Variants in KHNYN observed in about 807,000 individuals in gnomAD.
KHNYN encodes the protein KH and NYN domain containing.
In KHNYN, 42 loss-of-function variants were observed where a neutral mutation model predicts 62.7. The observed-to-expected ratio is 0.67, with a 90% CI of 0.52 to 0.87. KHNYN has a LOEUF of 0.87. Among genes scored for constraint, KHNYN ranks in the 40% least tolerant of loss-of-function variants. The pLI is 0.00. For missense variants in KHNYN, 829 were observed against 874.1 expected (o/e 0.95, Z 0.65); for synonymous variants, 347 against 345.6 (o/e 1.00, Z -0.04).
upstream of KHNYN, chr14:24,428,930 T>G (rs1179405796): frequency 2.6e-6 from 4 of 1,558,314 alleles, no homozygotes; most frequent in African/African-American, 1.4e-5. Context: ...GCACTCCCCC[T>G]CCAGCAGGAC....
upstream of KHNYN, chr14:24,427,489 G>T (rs536466209): frequency 2.8e-6 from 1 of 358,386 alleles, no homozygotes; most frequent in Non-Finnish European, 5.2e-6. This position sits in a 1 kb window ranked among gnomAD's most constrained non-coding sequence, Gnocchi z 4.4. Context: ...AGCAGAGGCC[G>T]CAAAGTAGTG....
Position 24,431,790 on chromosome 14 carries a change from G to C in KHNYN, c.529G>C (p.Glu177Gln). The change falls in exon 3 of 8, where the codon GAG becomes CAG. Residue 177 changes from glutamate to glutamine, a missense_variant. Glu to Gln is a conservative substitution (Grantham distance 29). This residue lies in a region of KHNYN where 559 missense variants were observed against 527.0 expected (regional missense o/e 1.06). Coordinates refer to ENST00000553935, the MANE Select transcript of KHNYN (RefSeq NM_015299.3). ...GCAGTCCCCGGGGGATGCCCATAGA[G>C]AGGCTCTGTTGCAGTTGCCCCTGGC... ...LLQSPGDAHREALLQLPLAVQ... is the reference protein window; with the variant it reads ...LLQSPGDAHRQALLQLPLAVQ... 1.2e-6 allele frequency: 2 copies of C among 1,614,168 alleles called. No homozygotes were observed. The highest frequency in any genetic ancestry group is 2.2e-5 in the East Asian group (1 of 44,886).
rs1172260614 is a variant in KHNYN, at chr14:24,436,105, G to C, written c.1611G>C (p.Gly537=). The C allele has an allele frequency of 6.2e-7, 1 of 1,614,160 alleles. No individual in the cohort carries two copies. The highest frequency in any genetic ancestry group is 8.5e-7 in the Non-Finnish European group (1 of 1,180,020). ...TGAAGCTGGCTGAAGAGACAGATGG[G>C]ATAATTGTCTCCAATGACCAGTTCC... ...FMVKLAEETD[G]IIVSNDQFRD... The change falls in exon 6 of 8, where the codon GGG becomes GGC. Residue 537 remains glycine, a synonymous_variant. Transcript: ENST00000553935.
chr14:24,434,660 C>T (rs1200897703), intron 5 of KHNYN, among the ~76,000 whole-genome samples: 1 of 152,222 alleles, frequency 6.6e-6, no homozygotes, highest in African/African-American at 2.4e-5. Flanking sequence ...ACCTCAGCCT[C>T]CCAAAGTGCT....
At chr14:24,428,060 C>G, upstream of KHNYN, 3 of 1,502,844 alleles carry the variant, frequency 2.0e-6, no homozygotes, top group Non-Finnish European at 2.7e-6. Context: ...CAGGAGCTTC[C>G]TCTTGGGAAG....
At chr14:24,430,651 C>T (rs1342462325) in intron 1 of KHNYN, 63 bp from the exon 2 acceptor site, 4 of 1,520,484 alleles carry the variant, frequency 2.6e-6, no homozygotes, top group Non-Finnish European at 3.5e-6. Context: ...CTGGTGTAGT[C>T]CCAGGAACCA....
rs777520841 is a variant in KHNYN, at chr14:24,440,592, T to C, written c.*3307T>C. ...TTCCCCTTCCTCACTCTCCCCATGC[T>C]GACTTGGCTCTGTAACAGAAGTGAG... is the stretch of plus-strand genomic sequence containing the variant. On this transcript the variant is annotated 3_prime_UTR_variant, in exon 8 of 8. Coordinates refer to ENST00000553935, the MANE Select transcript of KHNYN (RefSeq NM_015299.3). 2.1e-6 allele frequency: 3 copies of C among 1,443,308 alleles called. No individual in the cohort carries two copies. In the South Asian group the frequency reaches 3.7e-5, roughly 18 times the overall value. 89.4% of individuals were successfully genotyped at this position (1,443,308 alleles called of 1,614,324 possible).
rs148992913 is a variant in KHNYN, at chr14:24,432,162, C to T, written c.901C>T (p.Pro301Ser). Residue 301 changes from proline (P) to serine (S), a missense_variant, in exon 3 of 8, where the codon CCC (proline) becomes TCC (serine). This residue lies in a region of KHNYN where 559 missense variants were observed against 527.0 expected (regional missense o/e 1.06). Transcript: ENST00000553935. This position sits in a 1 kb window ranked among gnomAD's most constrained non-coding sequence, Gnocchi z 5.6. ...GGGTGGAGGGGCAAGGGAGTCAGCA[C>T]CCCTGAAAGGGAAGGCCCTGGGGAA... ...SVGGGARESAPLKGKALGKEE... is the reference protein window; with the variant it reads ...SVGGGARESASLKGKALGKEE... 4.0e-5 allele frequency: 62 copies of T among 1,561,688 alleles called. No individual in the cohort carries two copies. In the African/African-American group the frequency reaches 6.9e-4, roughly 17 times the overall value.
At chr14:24,427,681 G>T, upstream of KHNYN, 1 of 1,002,824 alleles carries the variant, frequency 1.0e-6, no homozygotes. This position sits in a 1 kb window ranked among gnomAD's most constrained non-coding sequence, Gnocchi z 4.4. Flanking sequence ...AAAGAGGTGG[G>T]ATAGGAGCCA....
At position 24,440,160 on chromosome 14, in the gene KHNYN, G is replaced by C; in HGVS notation, c.*2875G>C. On this transcript the variant is annotated 3_prime_UTR_variant, in exon 8 of 8. Coordinates refer to ENST00000553935, the MANE Select transcript of KHNYN (RefSeq NM_015299.3). ...TAGCCAGTGGCCAGTGTTCGCTGTG[G>C]GATCACCTTCTGGCCCTCCAGCAGC... The C allele has an allele frequency of 6.2e-7, 1 of 1,613,720 alleles. No individual in the cohort carries two copies. The highest frequency in any genetic ancestry group is 8.5e-7 in the Non-Finnish European group (1 of 1,179,702).
chr14:24,426,022 T>C (rs2043016913), upstream of KHNYN, among the ~76,000 whole-genome samples: 1 of 152,262 alleles, frequency 6.6e-6, no homozygotes, highest in Non-Finnish European at 1.5e-5. Flanking sequence ...CTTGTACTTA[T>C]CACGACTCAC....
chr14:24,430,739 C>G lies in KHNYN; in HGVS notation c.9C>G (p.Thr3=), dbSNP rs541500478. 6.4e-7 allele frequency: 1 copy of G among 1,564,278 alleles called. No homozygotes were observed. Among genetic ancestry groups the G allele is most frequent in the Non-Finnish European group, 8.7e-7 (1 of 1,154,196 alleles). The change falls in exon 2 of 8, where the codon ACC becomes ACG. Residue 3 remains threonine (T), a synonymous_variant. Coordinates refer to ENST00000553935, the MANE Select transcript of KHNYN (RefSeq NM_015299.3). ...GGCTGGGGGCAGCAGCCATGCCTAC[C>G]TGGGGGGCCCGCCCCGCGTCCCCAG... MP[T]WGARPASPDR...
chr14:24,430,174 A>AGTAGGCCCGGCCCGGG, intron 1 of KHNYN, 55 bp downstream of exon 1: 1 of 978,424 alleles, frequency 1.0e-6, no homozygotes, highest in Non-Finnish European at 1.2e-6. Flanking sequence ...CGCGGTGCGG[A>AGTAGGCCCGGCCCGGG]GTAGGCCCGG....
chr14:24,438,960 T>A lies in KHNYN; in HGVS notation c.*1675T>A, dbSNP rs2043249005. The stretch of plus-strand genomic sequence containing the variant: ...TCCTTGTGTCCTCACCCCTTCCTTT[T>A]TGGTGATTTACACCACTGTACCATA... On this transcript the variant is annotated 3_prime_UTR_variant, in exon 8 of 8. Transcript: ENST00000553935. 1.3e-5 allele frequency: 2 copies of A among 152,172 alleles called. No individual in the cohort carries two copies. Among genetic ancestry groups the A allele is most frequent in the Admixed American group, 1.3e-4 (2 of 15,282 alleles). 9.4% of individuals were successfully genotyped at this position (152,172 alleles called of 1,614,324 possible). A position where few individuals can be genotyped will look rare whatever the true frequency, so the allele number is the denominator to read the frequency against.
rs767816208 is a variant in KHNYN at position 24,440,417 on chromosome 14, A to T, written c.*3132A>T. The T allele has an allele frequency of 3.1e-6, 5 of 1,613,390 alleles. No individual in the cohort carries two copies. In the Admixed American group the frequency reaches 6.7e-5, roughly 22 times the overall value. ...GGGGAAGAATTGGTGGCCTGAGCCG[A>T]TGGGGCCCCCCAGGCCCAGGCGAAA... On this transcript the variant is annotated 3_prime_UTR_variant, in exon 8 of 8. Transcript: ENST00000553935.
Position 24,440,180 on chromosome 14 carries a change from A to G in KHNYN, c.*2895A>G, listed in dbSNP as rs1006591236. On this transcript the variant is annotated 3_prime_UTR_variant, in exon 8 of 8. Transcript: ENST00000553935. ...CTGTGGGATCACCTTCTGGCCCTCC[A>G]GCAGCATGATGGCACGCTGTCGCCC... 7.4e-6 allele frequency: 12 copies of G among 1,613,814 alleles called. No homozygotes were observed. In the East Asian group the frequency reaches 1.8e-4, roughly 24 times the overall value.
In KHNYN at chr14:24,431,971, C is replaced by G. The variant is rs781509695; in HGVS notation, c.710C>G (p.Thr237Ser). Residue 237 changes from threonine to serine, a missense_variant, in exon 3 of 8, where the codon ACT becomes AGT. Around this residue, in one of 2 missense-constraint regions of KHNYN, gnomAD observed 559 missense variants for 527.0 expected, o/e 1.06. Transcript: ENST00000553935. ...PPSDGRESLDTGSMGPGDCRG... is the reference protein window; with the variant it reads ...PPSDGRESLDSGSMGPGDCRG... ...AGTGACGGCAGGGAGTCCCTGGACA[C>G]TGGATCTATGGGACCCGGAGATTGC... is the stretch of plus-strand genomic sequence containing the variant. 2 of 1,612,606 alleles carry G rather than the reference C, an allele frequency of 1.2e-6. No individual in the cohort carries two copies. Among genetic ancestry groups the G allele is most frequent in the Non-Finnish European group, 1.7e-6 (2 of 1,179,008 alleles).
At chr14:24,423,316 AG>A in the KHNYN span, among the ~76,000 whole-genome samples, 2 of 152,162 alleles carry the variant, frequency 1.3e-5, no homozygotes, top group Non-Finnish European at 2.9e-5. Context: ...AAACTTTAAG[AG>A]CTGCTGAAGG....
At chr14:24,435,963 C>T in intron 5 of KHNYN, 109 bp from the exon 6 acceptor site, 1 of 803,274 alleles carries the variant, frequency 1.2e-6, no homozygotes, top group South Asian at 1.4e-5. Context: ...AGATATATTG[C>T]ATAGTGGTGA....
Sources: gnomAD v4.1 joint callset for allele counts (sites outside exome capture counted in the v4.1 genomes callset) on GRCh38, gnomAD v4.1.1 for gene constraint, gnomAD v4.1.1 regional missense constraint, Gnocchi (gnomAD v3.1) non-coding constraint, MANE v1.5 for transcripts, NCBI Gene and HGNC (gene_info 2026-07-23, HGNC 2026-07-21) for gene names.